ARB2A: variants seen among roughly 807,000 people sequenced by gnomAD.
ARB2A encodes ARB2 cotranscriptional regulator A.
chr5:93,961,658 G>C, the ARB2A span, among the ~76,000 whole-genome samples: 5 of 151,960 alleles, frequency 3.3e-5, no homozygotes, highest in African/African-American at 1.2e-4. Context: ...CACTTAGCTT[G>C]TGCAACAGAG....
chr5:93,755,912 G>A, the ARB2A span, among the ~76,000 whole-genome samples: 8 of 152,224 alleles, frequency 5.3e-5, no homozygotes, highest in East Asian at 1.5e-3. Flanking sequence ...CAAATCCGGT[G>A]TGCAGACTCC....
the ARB2A span, among the ~76,000 whole-genome samples, chr5:93,971,334 G>A: frequency 2.6e-5 from 4 of 152,124 alleles, no homozygotes; most frequent in Middle Eastern, 3.4e-3. Context: ...TTGGGAGGCC[G>A]AGGCAGGTGG....
At chr5:94,081,453 T>TA in the ARB2A span, among the ~76,000 whole-genome samples, 1 of 152,228 alleles carries the variant, frequency 6.6e-6, no homozygotes, top group African/African-American at 2.4e-5. Context: ...TGTCAACTGA[T>TA]GAATGGATAA....
the ARB2A span, among the ~76,000 whole-genome samples, chr5:93,943,206 A>T: frequency 6.6e-6 from 1 of 152,278 alleles, no homozygotes; most frequent in Admixed American, 6.5e-5. Flanking sequence ...ATCTAAAATG[A>T]TTACTCCAAT....
chr5:93,820,702 T>C, the ARB2A span, among the ~76,000 whole-genome samples: 44,025 of 152,012 alleles, frequency 0.29, 6,712 homozygotes, highest in South Asian at 0.52. Flanking sequence ...ACAGAAAAGA[T>C]AACAGAGGCA....
chr5:94,041,377 G>A, the ARB2A span, among the ~76,000 whole-genome samples: 2 of 152,106 alleles, frequency 1.3e-5, no homozygotes, highest in African/African-American at 2.4e-5. Flanking sequence ...CCACGTGGCC[G>A]TGCTTTCTCT....
chr5:93,850,268 C>T, the ARB2A span, among the ~76,000 whole-genome samples: 1 of 152,076 alleles, frequency 6.6e-6, no homozygotes, highest in African/African-American at 2.4e-5. Flanking sequence ...AACTGATATT[C>T]AATTATTCCA....
the ARB2A span, among the ~76,000 whole-genome samples, chr5:93,633,555 T>G: frequency 6.6e-6 from 1 of 152,218 alleles, no homozygotes; most frequent in African/African-American, 2.4e-5. Flanking sequence ...CCATTGACAT[T>G]CCTTAAGCCT....
the ARB2A span, among the ~76,000 whole-genome samples, chr5:93,730,098 A>C: frequency 1.3e-5 from 2 of 152,196 alleles, no homozygotes; most frequent in Non-Finnish European, 2.9e-5. Context: ...AATAAAAATG[A>C]TACAATTTTT....
At chr5:94,075,332 A>T in the ARB2A span, among the ~76,000 whole-genome samples, 1 of 152,084 alleles carries the variant, frequency 6.6e-6, no homozygotes, top group African/African-American at 2.4e-5. Context: ...CGATGTCATC[A>T]GTGTCTGGAA....
chr5:94,066,901 G>A, the ARB2A span, among the ~76,000 whole-genome samples: 2 of 151,970 alleles, frequency 1.3e-5, no homozygotes, highest in Non-Finnish European at 2.9e-5. Flanking sequence ...AGAAAACTTC[G>A]GGCCAATATT....
the ARB2A span, among the ~76,000 whole-genome samples, chr5:93,759,749 A>C: frequency 6.6e-6 from 1 of 152,206 alleles, no homozygotes; most frequent in African/African-American, 2.4e-5. Flanking sequence ...ACATACCTTA[A>C]TGTAATAAAA....
At chr5:93,952,403 C>A in the ARB2A span, among the ~76,000 whole-genome samples, 1 of 152,108 alleles carries the variant, frequency 6.6e-6, no homozygotes, top group Admixed American at 6.5e-5. Flanking sequence ...TTATTTCTCT[C>A]TCCTTTGTGT....
the ARB2A span, among the ~76,000 whole-genome samples, chr5:93,687,813 A>C: frequency 6.6e-6 from 1 of 152,046 alleles, no homozygotes; most frequent in African/African-American, 2.4e-5. Flanking sequence ...TTTTAAAATA[A>C]AAAATGTAGA....
chr5:93,889,079 G>A, the ARB2A span, among the ~76,000 whole-genome samples: 2 of 151,552 alleles, frequency 1.3e-5, no homozygotes, highest in Non-Finnish European at 3.0e-5. Flanking sequence ...ATGTCTACAT[G>A]AGACCATTTT....
chr5:93,863,698 T>C, the ARB2A span: 1 of 152,132 alleles, frequency 6.6e-6, no homozygotes, highest in Non-Finnish European at 1.5e-5. Context: ...TGTTGAAATA[T>C]CTTAGGTTAA....
At chr5:94,080,231 G>A in the ARB2A span, among the ~76,000 whole-genome samples, 1 of 152,018 alleles carries the variant, frequency 6.6e-6, no homozygotes, top group Admixed American at 6.6e-5. Context: ...AGGCAATTAT[G>A]AGCATCATAT....
chr5:93,868,100 G>T, the ARB2A span, among the ~76,000 whole-genome samples: 3 of 152,290 alleles, frequency 2.0e-5, no homozygotes, highest in East Asian at 5.8e-4. Flanking sequence ...GAGGAGGATT[G>T]CTTGAGCCCA....
the ARB2A span, among the ~76,000 whole-genome samples, chr5:94,080,027 AAGATGAT>A: frequency 6.6e-6 from 1 of 152,184 alleles, no homozygotes; most frequent in Non-Finnish European, 1.5e-5. Flanking sequence ...AACAAAGACT[AAGATGAT>A]TCTCTATTCT....
Sources: allele counts gnomAD v4.1 joint callset (sites outside exome capture counted in the v4.1 genomes callset), GRCh38; gene constraint gnomAD v4.1.1; transcripts MANE v1.5; gene names NCBI Gene and HGNC (gene_info 2026-07-23, HGNC 2026-07-21).